The following RIN2 variants were observed in gnomAD, a reference collection of about 807,000 sequenced individuals.
RIN2 encodes RAB5 interacting protein 2.
In RIN2, 36 loss-of-function variants were observed where a neutral mutation model predicts 78.0. The observed-to-expected ratio is 0.46, with a 90% CI of 0.35 to 0.61. The LOEUF (loss-of-function observed/expected upper bound fraction) is 0.61. RIN2 is among the 20% of genes least tolerant of loss of function. RIN2 has a pLI of 0.00. For missense variants in RIN2, 1,087 were observed against 1,159.7 expected (o/e 0.94, Z 0.91); for synonymous variants, 466 against 466.8 (o/e 1.00, Z 0.02).
chr20:19,923,150 G>A (rs1859016189), intron 3 of RIN2, among the ~76,000 whole-genome samples: 1 of 152,314 alleles, frequency 6.6e-6, no homozygotes, highest in African/African-American at 2.4e-5. Context: ...CAGCGCGGTA[G>A]CTCACGCCTG....
At chr20:19,921,144 G>T (rs2039900966) in intron 3 of RIN2, among the ~76,000 whole-genome samples, 1 of 152,206 alleles carries the variant, frequency 6.6e-6, no homozygotes, top group African/African-American at 2.4e-5. Flanking sequence ...GCAAGGTGGA[G>T]CCCACTTTGA....
intron 2 of RIN2, among the ~76,000 whole-genome samples, chr20:19,819,328 C>T (rs2035863121): frequency 6.6e-6 from 1 of 152,310 alleles, no homozygotes; most frequent in East Asian, 1.9e-4. Context: ...TCTGGTGTCT[C>T]TTCTTTGAGG....
chr20:19,850,170 C>T (rs950822719), intron 2 of RIN2, among the ~76,000 whole-genome samples: 1 of 152,170 alleles, frequency 6.6e-6, no homozygotes, highest in African/African-American at 2.4e-5. Flanking sequence ...ATTACTTTTC[C>T]CATAAATTAC....
Position 19,956,808 on chromosome 20 carries a change from G to A in RIN2, c.351+1G>A, listed in dbSNP as rs754380916. On this transcript the variant is annotated splice_donor_variant, in intron 5 of 12. Coordinates refer to ENST00000255006, the MANE Select transcript of RIN2 (RefSeq NM_018993.4). LOFTEE classifies it high-confidence loss of function. Reference sequence around the variant, plus strand: ...GGTCCTGCAGGCCCAGCCTCCGGGGGTAAGACTCAGAACCTCGGGAAGCAG... The same window carrying A: ...GGTCCTGCAGGCCCAGCCTCCGGGGATAAGACTCAGAACCTCGGGAAGCAG... 1.3e-6 allele frequency: 2 copies of A among 1,566,796 alleles called. No homozygotes were observed. The highest frequency in any genetic ancestry group is 2.3e-5 in the East Asian group (1 of 43,200).
chr20:19,811,129 T>C (rs1353559907), intron 2 of RIN2, among the ~76,000 whole-genome samples: 1 of 151,990 alleles, frequency 6.6e-6, no homozygotes, highest in Non-Finnish European at 1.5e-5. Context: ...GGTGGTTTAT[T>C]TTGGTCCCCC....
At chr20:19,905,560 T>C (rs2039181865) in intron 3 of RIN2, among the ~76,000 whole-genome samples, 1 of 152,166 alleles carries the variant, frequency 6.6e-6, no homozygotes, top group East Asian at 1.9e-4. Flanking sequence ...CCATCTCTAT[T>C]TATAAAGATA....
At chr20:19,818,188 G>T (rs1406524802) in intron 2 of RIN2, among the ~76,000 whole-genome samples, 1 of 140,824 alleles carries the variant, frequency 7.1e-6, no homozygotes, top group South Asian at 2.3e-4. Context: ...TAAAAATATG[G>T]TATAAAAGAT....
At position 19,992,231 on chromosome 20, in the gene RIN2, T is replaced by G. The variant is rs191192076; in HGVS notation, c.2132T>G (p.Met711Arg). Residue 711 changes from methionine (M) to arginine (R), a missense_variant, in exon 11 of 13, where the codon ATG (methionine) becomes AGG (arginine). Around this residue, in one of 8 missense-constraint regions of RIN2, gnomAD observed 45 missense variants for 88.1 expected, o/e 0.51. Coordinates refer to ENST00000255006, the MANE Select transcript of RIN2 (RefSeq NM_018993.4). Reference sequence around the variant, plus strand: ...ACCTATGTCATAGCCCAGTGTGACATGCTTGAATTGGACACTGAAATCGAG... The same window carrying G: ...ACCTATGTCATAGCCCAGTGTGACAGGCTTGAATTGGACACTGAAATCGAG... The part of the protein sequence containing the change: ...VLTYVIAQCD[M>R]LELDTEIEYM... 1 of 1,607,246 alleles carries G rather than the reference T, an allele frequency of 6.2e-7. No homozygotes were observed. Among genetic ancestry groups the G allele is most frequent in the Admixed American group, 1.7e-5 (1 of 59,114 alleles).
rs61743185 is a variant in RIN2 at position 19,974,947 on chromosome 20, C to T, written c.922C>T (p.Pro308Ser). The T allele has an allele frequency of 1.9e-6, 3 of 1,612,980 alleles. No individual in the cohort carries two copies. Among genetic ancestry groups the T allele is most frequent in the Non-Finnish European group, 1.7e-6 (2 of 1,179,386 alleles). Residue 308 changes from proline to serine, a missense_variant, in exon 9 of 13, where the codon CCA (proline) becomes TCA (serine). Around this residue, in one of 8 missense-constraint regions of RIN2, gnomAD observed 706 missense variants for 667.5 expected, o/e 1.06. Coordinates refer to ENST00000255006, the MANE Select transcript of RIN2 (RefSeq NM_018993.4). ...TGGCACGGAGCGGACTCGGTCCCCC[C>T]CACCCAGGCCCCCGCCACCCGCTAT... ...ANGTERTRSP[P>S]PRPPPPAINS...
Position 19,917,063 on chromosome 20 carries a change from A to G in RIN2, c.58-18036A>G, listed in dbSNP as rs557173041. Among the ~76,000 whole-genome samples, 200 of 152,160 alleles carry G rather than the reference A, an allele frequency of 1.3e-3. 2 individuals are homozygous for G. Among genetic ancestry groups the G allele is most frequent in the African/African-American group, 4.7e-3 (197 of 41,510 alleles). ...AGAATGAAAAGTGACTTCCATTCCA[A>G]TTGAAGTCAGCCCCTGCTGTGTAAT... On this transcript the variant is annotated intron_variant, in intron 3 of 12. Transcript: ENST00000255006.
intron 4 of RIN2, among the ~76,000 whole-genome samples, chr20:19,940,588 C>T (rs1568636606): frequency 2.0e-5 from 3 of 152,188 alleles, no homozygotes; most frequent in African/African-American, 4.8e-5. Context: ...AAGCCAGGGG[C>T]GAGACTGAGG....
At chr20:19,909,925 AGCAGGAAAAGGTGGGGCCCCTGT>A (rs1388094713) in intron 3 of RIN2, among the ~76,000 whole-genome samples, 3 of 152,128 alleles carry the variant, frequency 2.0e-5, no homozygotes, top group East Asian at 1.9e-4. Context: ...GCCAGTCTTG[AGCAGGAAAAGGTGGGGCCCCTGT>A]GGTAGCTGCA....
chr20:19,918,507 T>C (rs2123779059), intron 3 of RIN2, among the ~76,000 whole-genome samples: 1 of 152,112 alleles, frequency 6.6e-6, no homozygotes, highest in Non-Finnish European at 1.5e-5. Context: ...TAAACGAACT[T>C]TGTCATCTAC....
At chr20:19,988,771 C>A (rs1055376075) in intron 9 of RIN2, among the ~76,000 whole-genome samples, 1 of 152,154 alleles carries the variant, frequency 6.6e-6, no homozygotes, top group Non-Finnish European at 1.5e-5. Context: ...ACATTTTTAA[C>A]TTTTAATTTT....
chr20:19,987,200 T>C (rs942070587), intron 9 of RIN2, among the ~76,000 whole-genome samples: 2 of 152,254 alleles, frequency 1.3e-5, no homozygotes, highest in African/African-American at 4.8e-5. Context: ...TCCAATGTAT[T>C]CATTTCTGTC....
intron 3 of RIN2, among the ~76,000 whole-genome samples, chr20:19,913,202 C>T (rs765547531): frequency 5.9e-5 from 9 of 151,494 alleles, no homozygotes; most frequent in South Asian, 2.1e-4. Flanking sequence ...GTTTTGTTGT[C>T]GTTGTTCACA....
At chr20:19,827,827 C>G (rs1233531717) in intron 2 of RIN2, among the ~76,000 whole-genome samples, 2 of 122,122 alleles carry the variant, frequency 1.6e-5, no homozygotes, top group African/African-American at 5.7e-5. Context: ...TTTTTTTTTG[C>G]TGCTAGTCAA....
intron 3 of RIN2, among the ~76,000 whole-genome samples, chr20:19,905,294 A>C (rs1174886591): frequency 6.6e-6 from 1 of 152,192 alleles, no homozygotes; most frequent in African/African-American, 2.4e-5. Context: ...GGATTGTCTC[A>C]TACTCTTTGA....
At chr20:19,930,415 A>G (rs2040396185) in intron 3 of RIN2, among the ~76,000 whole-genome samples, 1 of 152,230 alleles carries the variant, frequency 6.6e-6, no homozygotes, top group South Asian at 2.1e-4. Context: ...AGCCAACAGC[A>G]TCGGCAAGAG....
Sources: allele counts gnomAD v4.1 joint callset (sites outside exome capture counted in the v4.1 genomes callset), GRCh38; gene constraint gnomAD v4.1.1; regional missense constraint gnomAD v4.1.1; transcripts MANE v1.5; gene names NCBI Gene and HGNC (gene_info 2026-07-23, HGNC 2026-07-21).